The following CHCHD6 variants were observed in gnomAD, a reference collection of about 807,000 sequenced individuals.
The protein encoded by CHCHD6 is coiled-coil-helix-coiled-coil-helix domain containing 6.
A neutral mutation model predicts 32.3 loss-of-function variants in CHCHD6; 28 were observed. The observed-to-expected ratio is 0.87, with a 90% CI of 0.64 to 1.19. The LOEUF (loss-of-function observed/expected upper bound fraction) is 1.19, where lower values mean the gene tolerates loss of function less well. Ranked by LOEUF, CHCHD6 falls within the 50% of genes most tolerant of loss-of-function variation. The probability of loss-of-function intolerance (pLI) is 0.00; values close to 1 mark genes in which losing one functional copy is unlikely to be tolerated. For missense variants in CHCHD6, 333 were observed against 307.0 expected (o/e 1.08, Z -0.63); for synonymous variants, 122 against 117.5 (o/e 1.04, Z -0.25).
At chr3:126,779,535 CAAA>C (rs11288509) in intron 4 of CHCHD6, among the ~76,000 whole-genome samples, 42 of 78,088 alleles carry the variant, frequency 5.4e-4, no homozygotes, top group African/African-American at 1.2e-3. Context: ...GACTCCATCT[CAAA>C]AAAAAAAAAA....
intron 1 of CHCHD6, among the ~76,000 whole-genome samples, chr3:126,721,063 G>A (rs1030347197): frequency 6.6e-6 from 1 of 152,002 alleles, no homozygotes; most frequent in Non-Finnish European, 1.5e-5. Context: ...ATTATTCCAC[G>A]AACTTGAGAT....
At chr3:126,715,029 G>C (rs1294884191) in intron 1 of CHCHD6, among the ~76,000 whole-genome samples, 2 of 152,110 alleles carry the variant, frequency 1.3e-5, no homozygotes, top group Non-Finnish European at 2.9e-5. Flanking sequence ...ATTGACATTC[G>C]ACTAGTTTTT....
At chr3:126,750,199 A>T (rs1936671960) in intron 4 of CHCHD6, among the ~76,000 whole-genome samples, 1 of 152,214 alleles carries the variant, frequency 6.6e-6, no homozygotes, top group African/African-American at 2.4e-5. Flanking sequence ...AATGCTGTCA[A>T]TTCTGCCCAG....
At chr3:126,957,622 G>A (rs758578671) in intron 7 of CHCHD6, 71 bp downstream of exon 7, 54 of 1,500,766 alleles carry the variant, frequency 3.6e-5, no homozygotes, top group Middle Eastern at 1.7e-4. Flanking sequence ...ATCTAGCATT[G>A]GAGATCTCTG....
intron 1 of CHCHD6, among the ~76,000 whole-genome samples, chr3:126,704,678 G>T (rs1934389333): frequency 6.6e-6 from 1 of 152,164 alleles, no homozygotes. Context: ...TCCTGGCTCC[G>T]GTCGGCTTAG....
intron 6 of CHCHD6, among the ~76,000 whole-genome samples, chr3:126,922,750 C>T (rs1320785717): frequency 2.0e-5 from 3 of 151,920 alleles, no homozygotes; most frequent in Non-Finnish European, 4.4e-5. Flanking sequence ...TGCTTGTTTC[C>T]TAAGCTGTGG....
At chr3:126,768,309 G>A (rs1455958705) in intron 4 of CHCHD6, among the ~76,000 whole-genome samples, 1 of 152,098 alleles carries the variant, frequency 6.6e-6, no homozygotes, top group Non-Finnish European at 1.5e-5. Flanking sequence ...TAAGACAGCT[G>A]TTCCCCCTTT....
chr3:126,892,253 T>A (rs2077772911), intron 5 of CHCHD6, among the ~76,000 whole-genome samples: 1 of 152,200 alleles, frequency 6.6e-6, no homozygotes, highest in Admixed American at 6.5e-5. Flanking sequence ...GTCTCTCTCA[T>A]GAGAGCTGGT....
intron 1 of CHCHD6, among the ~76,000 whole-genome samples, chr3:126,722,195 G>T (rs1476255121): frequency 6.6e-6 from 1 of 152,176 alleles, no homozygotes; most frequent in Non-Finnish European, 1.5e-5. Flanking sequence ...CTCACCTGTT[G>T]TCCAGGCTGG....
At chr3:126,938,945 T>C (rs1576627533) in intron 6 of CHCHD6, among the ~76,000 whole-genome samples, 1 of 152,370 alleles carries the variant, frequency 6.6e-6, no homozygotes, top group East Asian at 1.9e-4. Context: ...GGTACTCTTT[T>C]TCATTCTTCT....
chr3:126,741,857 C>A (rs553604670), intron 4 of CHCHD6, among the ~76,000 whole-genome samples: 6 of 152,250 alleles, frequency 3.9e-5, no homozygotes, highest in Admixed American at 1.3e-4. Context: ...GGATGTGGCT[C>A]CCTGTGGTCC....
intron 4 of CHCHD6, among the ~76,000 whole-genome samples, chr3:126,737,436 A>G (rs1240089708): frequency 1.3e-5 from 2 of 150,032 alleles, no homozygotes; most frequent in Non-Finnish European, 3.0e-5. Flanking sequence ...AAATGCACAC[A>G]CACATACTCT....
intron 5 of CHCHD6, among the ~76,000 whole-genome samples, chr3:126,860,033 G>C (rs1401784321): frequency 6.6e-6 from 1 of 152,100 alleles, no homozygotes; most frequent in Non-Finnish European, 1.5e-5. Context: ...GTGTCTCGTT[G>C]GAAGAGCCGC....
intron 4 of CHCHD6, among the ~76,000 whole-genome samples, chr3:126,851,948 T>C (rs1196403048): frequency 6.6e-6 from 1 of 152,230 alleles, no homozygotes; most frequent in Non-Finnish European, 1.5e-5. Context: ...CTCAGGTTGC[T>C]TGCCCTGGTG....
intron 5 of CHCHD6, among the ~76,000 whole-genome samples, chr3:126,889,568 G>C (rs2077727147): frequency 6.6e-6 from 1 of 152,174 alleles, no homozygotes; most frequent in Non-Finnish European, 1.5e-5. Context: ...GGAGCAGACT[G>C]TGCCCATCAC....
intron 4 of CHCHD6, among the ~76,000 whole-genome samples, chr3:126,842,829 TGGTG>T (rs999257343): frequency 1.4e-4 from 21 of 149,900 alleles, no homozygotes; most frequent in Non-Finnish European, 2.4e-4. Flanking sequence ...TTTTTTTTTT[TGGTG>T]GGTGTGACCT....
intron 4 of CHCHD6, among the ~76,000 whole-genome samples, chr3:126,822,913 C>CT (rs575950734): frequency 0.011 from 1,596 of 147,150 alleles, 16 homozygotes; most frequent in South Asian, 0.027. Context: ...ATATTCATCC[C>CT]TTTTTTTTTT....
chr3:126,864,668 C>T (rs1335782076), intron 5 of CHCHD6, among the ~76,000 whole-genome samples: 2 of 148,398 alleles, frequency 1.3e-5, no homozygotes, highest in Non-Finnish European at 3.0e-5. Context: ...TCCACCTCCT[C>T]CACCATCATC....
chr3:126,756,091 G>A (rs1936946733), intron 4 of CHCHD6, among the ~76,000 whole-genome samples: 1 of 152,126 alleles, frequency 6.6e-6, no homozygotes, highest in South Asian at 2.1e-4. Context: ...GTAGGTACTG[G>A]TGCTAGAGAG....
Sources: allele counts gnomAD v4.1 joint callset (sites outside exome capture counted in the v4.1 genomes callset), GRCh38; gene constraint gnomAD v4.1.1; transcripts MANE v1.5; gene names NCBI Gene and HGNC (gene_info 2026-07-23, HGNC 2026-07-21).